ADAMTSL1: variants seen among roughly 807,000 people sequenced by gnomAD.
The protein encoded by ADAMTSL1 is ADAMTS-like protein 1.
ADAMTSL1 carries 126 observed loss-of-function variants against 201.8 expected under a neutral mutation model. The ratio of observed to expected loss-of-function variants is 0.62; its 90% CI spans 0.54 to 0.72. The LOEUF (loss-of-function observed/expected upper bound fraction) is 0.72. ADAMTSL1 is among the 30% of genes least tolerant of loss of function. ADAMTSL1 has a pLI of 0.00. For missense variants in ADAMTSL1, 2,679 were observed against 2,277.8 expected (o/e 1.18, Z -3.59); for synonymous variants, 1,121 against 903.4 (o/e 1.24, Z -4.32).
intron 23 of ADAMTSL1, among the ~76,000 whole-genome samples, chr9:18,879,228 AG>A (rs1198433474): frequency 1.3e-5 from 2 of 152,222 alleles, no homozygotes; most frequent in African/African-American, 2.4e-5. Context: ...AGCACCTTAA[AG>A]GTTATTTCAT....
Position 17,973,071 on chromosome 9 carries a change from G to A in ADAMTSL1, c.87+66149G>A, listed in dbSNP as rs1457834178. 4.4e-4 allele frequency among the ~76,000 whole-genome samples: 10 copies of A among 22,562 alleles called. 2 individuals are homozygous for A. Among genetic ancestry groups the A allele is most frequent in the African/African-American group, 1.2e-3 (10 of 8,622 alleles). 14.8% of individuals were successfully genotyped at this position (22,562 alleles called of 152,430 possible). A position where few individuals can be genotyped will look rare whatever the true frequency, so the allele number is the denominator to read the frequency against. On this transcript the variant is annotated intron_variant, in intron 1 of 29. Transcript: ENST00000680146. ...TGTAGATTCTGGATATTAACCCTTTGTCAGATGAGTAGGTTGCAAAAATTT... is the reference window on the plus strand; with the variant it reads ...TGTAGATTCTGGATATTAACCCTTTATCAGATGAGTAGGTTGCAAAAATTT...
At chr9:18,155,086 T>A (rs1827092686) in intron 1 of ADAMTSL1, among the ~76,000 whole-genome samples, 1 of 152,020 alleles carries the variant, frequency 6.6e-6, no homozygotes, top group African/African-American at 2.4e-5. Context: ...GAACATTTTG[T>A]TTTTGAAGGG....
intron 2 of ADAMTSL1, among the ~76,000 whole-genome samples, chr9:18,218,934 T>G (rs1032635734): frequency 6.6e-6 from 1 of 152,092 alleles, no homozygotes; most frequent in Admixed American, 6.5e-5. Flanking sequence ...AATAAATGAT[T>G]TAATATAAGG....
At chr9:18,637,471 A>C (rs1285522908) in intron 6 of ADAMTSL1, among the ~76,000 whole-genome samples, 1 of 152,186 alleles carries the variant, frequency 6.6e-6, no homozygotes, top group Non-Finnish European at 1.5e-5. Flanking sequence ...TAGATTTAAG[A>C]GGGAAATTTA....
chr9:18,526,285 T>A (rs1010676867), intron 2 of ADAMTSL1, among the ~76,000 whole-genome samples: 23 of 152,244 alleles, frequency 1.5e-4, no homozygotes, highest in African/African-American at 5.5e-4. Context: ...GTTTTCCATT[T>A]GCCGCGTAGA....
At chr9:18,627,806 A>G (rs1328757706) in intron 5 of ADAMTSL1, among the ~76,000 whole-genome samples, 1 of 152,208 alleles carries the variant, frequency 6.6e-6, no homozygotes, top group African/African-American at 2.4e-5. Context: ...CCCTTGCCAC[A>G]TAATATTACA....
At chr9:18,685,045 C>T (rs1183583470) in intron 13 of ADAMTSL1, 13 of 1,118,890 alleles carry the variant, frequency 1.2e-5, no homozygotes, top group Non-Finnish European at 1.4e-5. Flanking sequence ...CCCTCTTCTC[C>T]AAAATCTGAC....
intron 1 of ADAMTSL1, among the ~76,000 whole-genome samples, chr9:17,986,867 G>T (rs1041782186): frequency 6.6e-6 from 1 of 151,968 alleles, no homozygotes; most frequent in South Asian, 2.1e-4. Flanking sequence ...TAGCACAGTT[G>T]GGGGGAGATT....
At chr9:18,695,824 A>T (rs1194676883) in intron 13 of ADAMTSL1, among the ~76,000 whole-genome samples, 1 of 152,160 alleles carries the variant, frequency 6.6e-6, no homozygotes, top group East Asian at 1.9e-4. Context: ...CATTTTCTGT[A>T]TTAGTCTGTT....
intron 23 of ADAMTSL1, among the ~76,000 whole-genome samples, chr9:18,861,528 C>G (rs1288740138): frequency 6.6e-6 from 1 of 152,172 alleles, no homozygotes; most frequent in African/African-American, 2.4e-5. Flanking sequence ...AAACTGAGAA[C>G]CACACCCAAA....
rs149218653 is a variant in ADAMTSL1, at chr9:18,558,595, A to C, written c.238-15435A>C. On this transcript the variant is annotated intron_variant, in intron 3 of 28. Transcript: ENST00000380548. ...CTGAGGAATCGCCACACTGTTTTCCACAATGGTTAAACTAACTTACACTTC... is the reference window on the plus strand; with the variant it reads ...CTGAGGAATCGCCACACTGTTTTCCCCAATGGTTAAACTAACTTACACTTC... 3.3e-3 allele frequency among the ~76,000 whole-genome samples: 499 copies of C among 152,312 alleles called. 4 individuals are homozygous for C. The highest frequency in any genetic ancestry group is 0.012 in the African/African-American group (484 of 41,576).
At chr9:18,205,995 A>G (rs982006331) in intron 2 of ADAMTSL1, among the ~76,000 whole-genome samples, 3 of 137,112 alleles carry the variant, frequency 2.2e-5, no homozygotes, top group Non-Finnish European at 4.6e-5. Flanking sequence ...CAGAGTTTGC[A>G]GTGAGCTGAG....
intron 2 of ADAMTSL1, among the ~76,000 whole-genome samples, chr9:18,264,470 A>G (rs1194069896): frequency 6.6e-6 from 1 of 152,166 alleles, no homozygotes; most frequent in African/African-American, 2.4e-5. Context: ...ATTCAGAATA[A>G]CAACCTGTAG....
chr9:18,396,547 A>C (rs951192727), intron 2 of ADAMTSL1, among the ~76,000 whole-genome samples: 11 of 148,096 alleles, frequency 7.4e-5, no homozygotes, highest in African/African-American at 2.7e-4. Context: ...CAAGTAATAT[A>C]ATTAAAATTA....
intron 26 of ADAMTSL1, among the ~76,000 whole-genome samples, chr9:18,894,334 C>A (rs1408166655): frequency 2.8e-5 from 3 of 108,106 alleles, no homozygotes; most frequent in Non-Finnish European, 3.8e-5. Context: ...GGTGACAGAG[C>A]AAAACCTTGT....
chr9:17,985,475 A>G (rs1818887661), intron 1 of ADAMTSL1, among the ~76,000 whole-genome samples: 1 of 152,158 alleles, frequency 6.6e-6, no homozygotes, highest in African/African-American at 2.4e-5. Context: ...CTTGAAAAAT[A>G]CTTTATAGTT....
intron 1 of ADAMTSL1, among the ~76,000 whole-genome samples, chr9:18,120,137 C>T (rs1038331081): frequency 6.6e-6 from 1 of 152,168 alleles, no homozygotes; most frequent in Non-Finnish European, 1.5e-5. Flanking sequence ...GCTGAGGCTG[C>T]AGCCATCTGA....
At chr9:18,282,865 C>A (rs1392019373) in intron 2 of ADAMTSL1, among the ~76,000 whole-genome samples, 1 of 152,140 alleles carries the variant, frequency 6.6e-6, no homozygotes, top group Non-Finnish European at 1.5e-5. Flanking sequence ...CCATTGCACT[C>A]CAGCCTGGGC....
At chr9:17,973,843 A>G (rs1223301624) in intron 1 of ADAMTSL1, among the ~76,000 whole-genome samples, 1 of 150,250 alleles carries the variant, frequency 6.7e-6, no homozygotes, top group Non-Finnish European at 1.5e-5. Context: ...GATTTCATTG[A>G]GCAGTGGTTT....
Sources: gnomAD v4.1 joint callset for allele counts (sites outside exome capture counted in the v4.1 genomes callset) on GRCh38, gnomAD v4.1.1 for gene constraint, MANE v1.5 for transcripts, NCBI Gene and HGNC (gene_info 2026-07-23, HGNC 2026-07-21) for gene names.